Variants in FMN2 observed in about 807,000 individuals in gnomAD.
The protein encoded by FMN2 is formin-2.
A neutral mutation model predicts 142.3 loss-of-function variants in FMN2; 51 were observed. The ratio of observed to expected loss-of-function variants is 0.36; its 90% confidence interval spans 0.29 to 0.45. The LOEUF is 0.45. Among genes scored for constraint, FMN2 ranks in the 20% least tolerant of loss-of-function variants. FMN2 has a pLI of 1.00. For missense variants in FMN2, 1,936 were observed against 2,122.8 expected, an observed-to-expected ratio of 0.91 and a Z score of 1.73; for synonymous variants, 882 against 869.8, an observed-to-expected ratio of 1.01 and a Z score of -0.25.
intron 2 of FMN2, chr1:240,144,416 A>G (rs1663343925): frequency 1.4e-5 from 22 of 1,604,984 alleles, no homozygotes; most frequent in Non-Finnish European, 1.9e-5. Context: ...TACATTGGAC[A>G]TGATCTCTGT....
At chr1:240,390,250 TATA>T (rs1168763671) in intron 14 of FMN2, among the ~76,000 whole-genome samples, 3 of 152,232 alleles carry the variant, frequency 2.0e-5, no homozygotes, top group Non-Finnish European at 4.4e-5. Flanking sequence ...TAAAATAATG[TATA>T]ATAGAGCATT....
At chr1:240,274,357 C>G (rs1669121522) in intron 7 of FMN2, among the ~76,000 whole-genome samples, 1 of 151,864 alleles carries the variant, frequency 6.6e-6, no homozygotes, top group Admixed American at 6.6e-5. Flanking sequence ...GAGGAAAGAG[C>G]ATGTGAGGGA....
At chr1:240,168,402 C>T (rs944347156) in intron 2 of FMN2, among the ~76,000 whole-genome samples, 2 of 152,012 alleles carry the variant, frequency 1.3e-5, no homozygotes, top group African/African-American at 4.8e-5. Context: ...GCCTGGGCAA[C>T]ATAGCAAGAC....
At chr1:240,319,674 G>T (rs996329723) in intron 8 of FMN2, among the ~76,000 whole-genome samples, 1 of 152,116 alleles carries the variant, frequency 6.6e-6, no homozygotes, top group Admixed American at 6.5e-5. Flanking sequence ...AAGACTGGGC[G>T]AGGGAAGGTT....
intron 15 of FMN2, among the ~76,000 whole-genome samples, chr1:240,423,168 G>A (rs1053037293): frequency 6.6e-6 from 1 of 152,068 alleles, no homozygotes; most frequent in African/African-American, 2.4e-5. Flanking sequence ...ATCCCTCAAA[G>A]GCTTTTTTAA....
intron 15 of FMN2, among the ~76,000 whole-genome samples, chr1:240,408,381 TAAG>T (rs1433775148): frequency 6.6e-6 from 1 of 151,672 alleles, no homozygotes; most frequent in Non-Finnish European, 1.5e-5. Flanking sequence ...AAAAAGGCAA[TAAG>T]AACAACAGAG....
At chr1:240,421,996 G>T (rs1453622877) in intron 15 of FMN2, among the ~76,000 whole-genome samples, 1 of 152,184 alleles carries the variant, frequency 6.6e-6, no homozygotes, top group Non-Finnish European at 1.5e-5. Flanking sequence ...TGAAGAGGCA[G>T]AGAGTGAGAA....
chr1:240,264,489 G>A (rs1440095174), intron 7 of FMN2, among the ~76,000 whole-genome samples: 1 of 151,990 alleles, frequency 6.6e-6, no homozygotes, highest in Admixed American at 6.6e-5. Context: ...CCATCAATCT[G>A]TCATCTACAT....
chr1:240,318,223 C>T (rs1670854643), intron 8 of FMN2, among the ~76,000 whole-genome samples: 1 of 152,178 alleles, frequency 6.6e-6, no homozygotes, highest in Non-Finnish European at 1.5e-5. Flanking sequence ...AGCACTGCCT[C>T]ATACCCACTT....
At chr1:240,113,573 A>T (rs1410511191) in intron 1 of FMN2, among the ~76,000 whole-genome samples, 1 of 151,404 alleles carries the variant, frequency 6.6e-6, no homozygotes, top group Non-Finnish European at 1.5e-5. Flanking sequence ...AAAAAAAAAA[A>T]AAAAAATAAG....
intron 15 of FMN2, among the ~76,000 whole-genome samples, chr1:240,427,377 TTG>T (rs1267402746): frequency 6.6e-6 from 1 of 151,894 alleles, no homozygotes; most frequent in African/African-American, 2.4e-5. Context: ...AGCTAATTTT[TTG>T]TGTTTTTAGT....
intron 14 of FMN2, among the ~76,000 whole-genome samples, chr1:240,368,601 A>G (rs529550883): frequency 3.3e-5 from 5 of 152,258 alleles, no homozygotes; most frequent in Non-Finnish European, 7.4e-5. Flanking sequence ...TTCTCTGGCG[A>G]TATCACTGCG....
chr1:240,360,099 A>T (rs192459533), intron 14 of FMN2, among the ~76,000 whole-genome samples: 2 of 152,344 alleles, frequency 1.3e-5, no homozygotes, highest in Admixed American at 1.3e-4. Context: ...CGTTAAATTC[A>T]TAAACCCACT....
chr1:240,138,400 TA>T (rs1384964821), intron 2 of FMN2, among the ~76,000 whole-genome samples: 12 of 152,008 alleles, frequency 7.9e-5, no homozygotes, highest in African/African-American at 2.9e-4. Context: ...CTTTTATTTT[TA>T]AAAAGTATTA....
In FMN2 at chr1:240,093,498, C is replaced by A. The variant is rs760382584; in HGVS notation, c.1389C>A (p.Ala463=). 4.4e-6 allele frequency: 7 copies of A among 1,596,836 alleles called. No homozygotes were observed. The South Asian group carries it at 7.9e-5, about 18-fold the overall frequency. The change falls in exon 1 of 18, where the codon GCC becomes GCA. Residue 463 remains alanine, a synonymous_variant. Coordinates refer to ENST00000319653, the MANE Select transcript of FMN2 (RefSeq NM_020066.5). ...RGSRTALASV[A]APAKKHRADG... Reference sequence around the variant, plus strand: ...CCAGAACTGCCCTGGCCTCCGTAGCCGCCCCGGCCAAGAAGCACCGGGCCG... The same window carrying A: ...CCAGAACTGCCCTGGCCTCCGTAGCAGCCCCGGCCAAGAAGCACCGGGCCG...
At chr1:240,229,440 A>G (rs1667461554) in intron 6 of FMN2, among the ~76,000 whole-genome samples, 1 of 152,116 alleles carries the variant, frequency 6.6e-6, no homozygotes, top group Non-Finnish European at 1.5e-5. Flanking sequence ...TTATGCTCAT[A>G]TACAGAGTGA....
intron 16 of FMN2, among the ~76,000 whole-genome samples, chr1:240,443,199 A>G (rs1269653331): frequency 6.6e-6 from 1 of 152,186 alleles, no homozygotes; most frequent in Non-Finnish European, 1.5e-5. Context: ...GAGTCCAAGG[A>G]TGAACTTTTG....
chr1:240,376,925 G>A (rs1337883938), intron 14 of FMN2, among the ~76,000 whole-genome samples: 1 of 152,106 alleles, frequency 6.6e-6, no homozygotes, highest in Non-Finnish European at 1.5e-5. Context: ...CTTCACAGGT[G>A]ATGTCAGAAC....
At chr1:240,144,469 C>T (rs1265375478) in intron 2 of FMN2, 4 of 1,561,468 alleles carry the variant, frequency 2.6e-6, no homozygotes, top group Admixed American at 3.3e-5. Context: ...GCTCCAGGAA[C>T]ACCCCATGCC....
Sources: allele counts gnomAD v4.1 joint callset (sites outside exome capture counted in the v4.1 genomes callset), GRCh38; gene constraint gnomAD v4.1.1; transcripts MANE v1.5; gene names NCBI Gene and HGNC (gene_info 2026-07-23, HGNC 2026-07-21).